Variants in TENM2 observed in about 807,000 individuals in gnomAD.
The protein encoded by TENM2 is teneurin-2.
A neutral mutation model predicts 245.2 loss-of-function variants in TENM2; 52 were observed. That is an observed-to-expected ratio of 0.21 (90% CI 0.17 to 0.27). The LOEUF is 0.27. Ranked by LOEUF, TENM2 falls within the 10% of genes least tolerant of loss-of-function variation. The probability of loss-of-function intolerance (pLI) is 1.00; values close to 1 mark genes in which losing one functional copy is unlikely to be tolerated. For synonymous variants in TENM2, 1,363 were observed against 1,438.9 expected (o/e 0.95, Z 1.19); for missense variants, 3,046 against 3,666.8 (o/e 0.83, Z 4.37).
chr5:167,497,581 C>T (rs1363132415), intron 2 of TENM2, among the ~76,000 whole-genome samples: 1 of 151,994 alleles, frequency 6.6e-6, no homozygotes, highest in Non-Finnish European at 1.5e-5. Context: ...TGGCCAAATT[C>T]CAGGTTAGGT....
chr5:167,826,093 A>G (rs1201481582), intron 2 of TENM2, among the ~76,000 whole-genome samples: 5 of 152,192 alleles, frequency 3.3e-5, no homozygotes. Flanking sequence ...CATGTGCAAA[A>G]AAACAAACAA....
At chr5:167,083,808 G>C in the TENM2 span, among the ~76,000 whole-genome samples, 1 of 152,144 alleles carries the variant, frequency 6.6e-6, no homozygotes, top group African/African-American at 2.4e-5. Context: ...CCATTCCAGA[G>C]CAAAAAGATT....
intron 1 of TENM2, among the ~76,000 whole-genome samples, chr5:167,345,488 GATTTT>G (rs958180988): frequency 2.2e-4 from 33 of 152,186 alleles, no homozygotes; most frequent in African/African-American, 7.7e-4. Flanking sequence ...AAAAAGAAAA[GATTTT>G]ATTTAAGTTA....
chr5:167,219,287 G>A, the TENM2 span, among the ~76,000 whole-genome samples: 3 of 150,118 alleles, frequency 2.0e-5, no homozygotes, highest in Admixed American at 1.3e-4. Flanking sequence ...ATGATAGGGT[G>A]AGACCCAATT....
intron 3 of TENM2, among the ~76,000 whole-genome samples, chr5:167,938,270 A>T (rs1222335299): frequency 3.9e-5 from 6 of 152,210 alleles, no homozygotes; most frequent in Non-Finnish European, 5.9e-5. Context: ...TGAGATGTGC[A>T]TATGTGTAGA....
chr5:167,849,294 A>T (rs974134150), intron 2 of TENM2, among the ~76,000 whole-genome samples: 4 of 152,028 alleles, frequency 2.6e-5, no homozygotes, highest in African/African-American at 9.7e-5. Flanking sequence ...ACAGCTGCAA[A>T]TTCCTTTTTA....
chr5:167,305,417 A>G (rs1219559658), intron 1 of TENM2, among the ~76,000 whole-genome samples: 2 of 152,224 alleles, frequency 1.3e-5, no homozygotes, highest in Non-Finnish European at 2.9e-5. Context: ...TAACGAAAAC[A>G]GTAATAATAA....
At chr5:167,825,306 T>C (rs1389359166) in intron 2 of TENM2, among the ~76,000 whole-genome samples, 1 of 151,348 alleles carries the variant, frequency 6.6e-6, no homozygotes. Context: ...GGGGGTGGGG[T>C]TCTTGGTGGG....
intron 2 of TENM2, among the ~76,000 whole-genome samples, chr5:167,827,639 G>GGGGGAA (rs1768097588): frequency 9.1e-6 from 1 of 109,938 alleles, no homozygotes; most frequent in African/African-American, 3.5e-5. Flanking sequence ...GGGGGGGGGG[G>GGGGGAA]AACAGTTTAA....
At chr5:167,328,239 G>A (rs1434576106) in intron 1 of TENM2, among the ~76,000 whole-genome samples, 1 of 52,696 alleles carries the variant, frequency 1.9e-5, no homozygotes, top group Non-Finnish European at 3.4e-5. Flanking sequence ...ATGGATTTTT[G>A]CTCTGTCGCC....
chr5:167,840,802 C>CA (rs767456174), intron 2 of TENM2, among the ~76,000 whole-genome samples: 60 of 151,998 alleles, frequency 3.9e-4, no homozygotes, highest in Non-Finnish European at 6.8e-4. Flanking sequence ...GAATTAATGT[C>CA]AAAAAAACAA....
chr5:168,204,227 G>T, intron 18 of TENM2, 145 bp from the exon 21 acceptor site: 1 of 858,710 alleles, frequency 1.2e-6, no homozygotes, highest in Non-Finnish European at 1.7e-6. Flanking sequence ...TCCCACTGCA[G>T]CTCTCTCCAC....
intron 1 of TENM2, among the ~76,000 whole-genome samples, chr5:167,338,977 G>A (rs1005018518): frequency 6.6e-6 from 1 of 152,074 alleles, no homozygotes; most frequent in Admixed American, 6.5e-5. Context: ...ATAGTCATTT[G>A]GGAAGATGAG....
chr5:167,141,411 C>T, the TENM2 span, among the ~76,000 whole-genome samples: 1 of 152,092 alleles, frequency 6.6e-6, no homozygotes. Context: ...TCTTTGACAA[C>T]ATTTGTTAAA....
intron 12 of TENM2, among the ~76,000 whole-genome samples, chr5:168,132,129 C>T (rs960003238): frequency 6.6e-6 from 1 of 151,752 alleles, no homozygotes; most frequent in Non-Finnish European, 1.5e-5. Context: ...AGACAGTCTG[C>T]CAGAGGTTTC....
intron 5 of TENM2, among the ~76,000 whole-genome samples, chr5:168,006,225 A>T (rs772491392): frequency 2.2e-4 from 33 of 152,312 alleles, no homozygotes; most frequent in Admixed American, 1.4e-3. Context: ...CAAAGAAAAG[A>T]GCATGTTGTG....
rs1183018766 is a variant in TENM2, at chr5:167,436,597, A to T, written c.502+61124A>T. On this transcript the variant is annotated intron_variant, in intron 2 of 28. Coordinates refer to ENST00000518659, the Ensembl canonical transcript of TENM2. ...AATGTTAATCTCCAAGGCAACGGGGAAAGTGTCTCCAGGGCATGTCAGAGG... is the reference window on the plus strand; with the variant it reads ...AATGTTAATCTCCAAGGCAACGGGGTAAGTGTCTCCAGGGCATGTCAGAGG... 2.0e-5 allele frequency among the ~76,000 whole-genome samples: 3 copies of T among 152,276 alleles called. No individual in the cohort carries two copies. The South Asian group carries it at 6.2e-4, about 32-fold the overall frequency.
At position 167,302,405 on chromosome 5, in the gene TENM2, AAG is replaced by A. The variant is rs544499887; in HGVS notation, c.226+17349_226+17350del. Among the ~76,000 whole-genome samples, 35 of 151,950 alleles carry A rather than the reference AAG, an allele frequency of 2.3e-4. No individual in the cohort carries two copies. The South Asian group carries it at 5.8e-3, about 25-fold the overall frequency. On this transcript the variant is annotated intron_variant, in intron 1 of 28. Transcript: ENST00000518659. Reference sequence around the variant, plus strand: ...TAGTGAAGGAGGCAAGCCCAGAGAAAAGAGAGAGTAGAGACACAGAGGAAAGG... The same window carrying A: ...TAGTGAAGGAGGCAAGCCCAGAGAAAAGAGAGTAGAGACACAGAGGAAAGG...
intron 2 of TENM2, among the ~76,000 whole-genome samples, chr5:167,727,104 C>CTTTTTTTTTTTTTTTTTTTTT: frequency 1.0e-5 from 1 of 96,132 alleles, no homozygotes; most frequent in Non-Finnish European, 1.9e-5. Context: ...CCATTAATTT[C>CTTTTTTTTTTTTTTTTTTTTT]TTTTTTTTTT....
Sources: gnomAD v4.1 joint callset for allele counts (sites outside exome capture counted in the v4.1 genomes callset) on GRCh38, gnomAD v4.1.1 for gene constraint, MANE v1.5 for transcripts, NCBI Gene and HGNC (gene_info 2026-07-23, HGNC 2026-07-21) for gene names.